LRRC74A: variants seen among roughly 807,000 people sequenced by gnomAD.
The protein encoded by LRRC74A is leucine-rich repeat-containing protein 74A.
LRRC74A carries 44 observed loss-of-function variants against 57.9 expected under a neutral mutation model. The ratio of observed to expected loss-of-function variants is 0.76; its 90% CI spans 0.60 to 0.98. The LOEUF is 0.98. Among genes scored for constraint, LRRC74A ranks in the 50% least tolerant of loss-of-function variants. The pLI is 0.00. For synonymous variants in LRRC74A, 211 were observed against 219.4 expected, an observed-to-expected ratio of 0.96 and a Z score of 0.34; for missense variants, 572 against 574.0, an observed-to-expected ratio of 1.00 and a Z score of 0.04.
chr14:76,837,658 G>T (rs933853586), intron 4 of LRRC74A, among the ~76,000 whole-genome samples: 1 of 152,050 alleles, frequency 6.6e-6, no homozygotes, highest in Non-Finnish European at 1.5e-5. Context: ...GCTAGCCCAC[G>T]GGTCCCACCG....
intron 5 of LRRC74A, among the ~76,000 whole-genome samples, chr14:76,840,584 C>CTTTTTT (rs34388699): frequency 1.5e-5 from 2 of 130,070 alleles, no homozygotes; most frequent in Non-Finnish European, 3.2e-5. Flanking sequence ...TTATGTATTT[C>CTTTTTT]TTTTTTTTTT....
chr14:76,864,917 C>G (rs1898658114), intron 11 of LRRC74A, among the ~76,000 whole-genome samples: 1 of 151,988 alleles, frequency 6.6e-6, no homozygotes, highest in Non-Finnish European at 1.5e-5. Flanking sequence ...CATATGTGAA[C>G]AGTGGGTTCT....
intron 4 of LRRC74A, among the ~76,000 whole-genome samples, chr14:76,837,382 C>T (rs999588713): frequency 6.6e-6 from 1 of 152,102 alleles, no homozygotes; most frequent in Non-Finnish European, 1.5e-5. Context: ...AAAGGGGGAA[C>T]AACCAATTAA....
intron 9 of LRRC74A, among the ~76,000 whole-genome samples, chr14:76,854,741 T>C (rs1364999980): frequency 1.3e-5 from 2 of 152,228 alleles, no homozygotes; most frequent in Non-Finnish European, 2.9e-5. Flanking sequence ...AATACATATT[T>C]CATTTTAAAT....
chr14:76,852,292 G>A, intron 7 of LRRC74A, 73 bp from the exon 8 acceptor site: 1 of 1,180,966 alleles, frequency 8.5e-7, no homozygotes, highest in Non-Finnish European at 1.2e-6. Context: ...CCAGTGTCAT[G>A]GACATCTGTT....
chr14:76,828,259 C>T (rs371545140), intron 1 of LRRC74A, 32 bp from the exon 2 acceptor site: 44 of 1,559,582 alleles, frequency 2.8e-5, no homozygotes, highest in Non-Finnish European at 3.7e-5. Context: ...AGTTTTATTC[C>T]TGGCATCAAG....
chr14:76,864,832 C>T (rs921430860), intron 11 of LRRC74A, among the ~76,000 whole-genome samples: 4 of 151,600 alleles, frequency 2.6e-5, no homozygotes, highest in Non-Finnish European at 4.4e-5. Flanking sequence ...CTAGCCTAGG[C>T]GACAGAGCGA....
At position 76,836,234 on chromosome 14, in the gene LRRC74A, C is replaced by G; in HGVS notation, c.367C>G (p.Leu123Val). Residue 123 changes from leucine (L) to valine (V), a missense_variant, in exon 4 of 14, where the codon CTG becomes GTG. Transcript: ENST00000689127. ...CAACATGGCTGTTACCAAACTGGAGCTGGAAGACAATTGCATCATGGAGGA... is the reference window on the plus strand; with the variant it reads ...CAACATGGCTGTTACCAAACTGGAGGTGGAAGACAATTGCATCATGGAGGA... ...VSNMAVTKLE[L>V]EDNCIMEEGV... The G allele has an allele frequency of 1.9e-6, 3 of 1,613,836 alleles. No individual in the cohort carries two copies. Among genetic ancestry groups the G allele is most frequent in the Non-Finnish European group, 2.5e-6 (3 of 1,179,804 alleles).
rs754921728 is a variant in LRRC74A, at chr14:76,852,467, G to A, written c.762+17G>A. On this transcript the variant is annotated intron_variant, in intron 8 of 13. Coordinates refer to ENST00000689127, the MANE Select transcript of LRRC74A (RefSeq NM_001385106.1). ...GGTCTCCGGGTAAGGCACTCTCCAG[G>A]AGTGATGTGTGGAGCCCAGTTGAGG... is the stretch of plus-strand genomic sequence containing the variant. 4 of 1,570,708 alleles carry A rather than the reference G, an allele frequency of 2.5e-6. No individual in the cohort carries two copies. The Admixed American group carries it at 7.0e-5, about 27-fold the overall frequency.
intron 3 of LRRC74A, among the ~76,000 whole-genome samples, chr14:76,834,759 T>A (rs1034752927): frequency 6.6e-6 from 1 of 152,160 alleles, no homozygotes. Flanking sequence ...CCAGTATGAA[T>A]CTGGCAGTGG....
At chr14:76,853,077 T>C (rs1469469280) in intron 8 of LRRC74A, 139 bp from the exon 9 acceptor site, 2 of 731,836 alleles carry the variant, frequency 2.7e-6, no homozygotes, top group Non-Finnish European at 4.6e-6. Flanking sequence ...GAGCTCTGAA[T>C]GATCTGGCAG....
chr14:76,860,648 T>C (rs1277432054), intron 10 of LRRC74A, 45 bp from the exon 11 acceptor site: 7 of 1,540,266 alleles, frequency 4.5e-6, no homozygotes, highest in South Asian at 1.2e-5. Flanking sequence ...GCAGGCACGA[T>C]GGCAGTGCCC....
intron 5 of LRRC74A, 118 bp from the exon 6 acceptor site, chr14:76,844,305 T>C: frequency 1.0e-6 from 1 of 953,698 alleles, no homozygotes; most frequent in Non-Finnish European, 1.6e-6. Context: ...GTCTGGCCCC[T>C]ACCACCTTTT....
rs745686456 is a variant in LRRC74A, at chr14:76,860,832, T to G, written c.1193T>G (p.Leu398Arg). The part of the protein sequence containing the change: ...TIFLLTNPMK[L>R]IQSYADQHKI... ...TTCTTGTTGACAAACCCCATGAAACTGATCCAGGTGAGCTCCTGCCTTCCT... is the reference window on the plus strand; with the variant it reads ...TTCTTGTTGACAAACCCCATGAAACGGATCCAGGTGAGCTCCTGCCTTCCT... Residue 398 changes from leucine (L) to arginine (R), a missense_variant, in exon 11 of 14, where the codon CTG becomes CGG. Leu to Arg is a moderately radical substitution (Grantham distance 102). Coordinates refer to ENST00000689127, the MANE Select transcript of LRRC74A (RefSeq NM_001385106.1). 11 of 1,601,612 alleles carry G rather than the reference T, an allele frequency of 6.9e-6. No homozygotes were observed. Among genetic ancestry groups the G allele is most frequent in the Non-Finnish European group, 9.4e-6 (11 of 1,172,110 alleles).
chr14:76,830,972 C>A (rs1895930600), intron 2 of LRRC74A, among the ~76,000 whole-genome samples: 1 of 152,218 alleles, frequency 6.6e-6, no homozygotes, highest in African/African-American at 2.4e-5. Flanking sequence ...AAACCATGGG[C>A]CTCATCTCCT....
intron 9 of LRRC74A, among the ~76,000 whole-genome samples, chr14:76,854,564 C>A (rs530151520): frequency 9.9e-5 from 15 of 152,078 alleles, no homozygotes; most frequent in Non-Finnish European, 1.6e-4. Context: ...CGAGACCATG[C>A]CACTGCACTC....
rs1474870734 is a variant in LRRC74A, at chr14:76,826,743, G to T, written c.37+9G>T. 6.7e-7 allele frequency: 1 copy of T among 1,494,634 alleles called. No homozygotes were observed. Among genetic ancestry groups the T allele is most frequent in the Admixed American group, 2.0e-5 (1 of 49,848 alleles). 92.6% of individuals were successfully genotyped at this position (1,494,634 alleles called of 1,614,324 possible). A position where few individuals can be genotyped will look rare whatever the true frequency, so the allele number is the denominator to read the frequency against. On this transcript the variant is annotated intron_variant, in intron 1 of 13. Transcript: ENST00000689127. ...TCAGCCTGAGACAGAAGGTGAAAGG[G>T]CATCCCATCTCTCACCACTCAGGCC...
At chr14:76,833,592 C>T (rs1896119378) in intron 3 of LRRC74A, among the ~76,000 whole-genome samples, 2 of 151,868 alleles carry the variant, frequency 1.3e-5, no homozygotes, top group South Asian at 2.1e-4. Flanking sequence ...CAGGTGCGCA[C>T]CACCATGCCT....
Position 76,853,367 on chromosome 14 carries a change from T to C in LRRC74A, c.914T>C (p.Ile305Thr). The change falls in exon 9 of 14, where the codon ATC becomes ACC. Residue 305 changes from isoleucine to threonine, a missense_variant. Coordinates refer to ENST00000689127, the MANE Select transcript of LRRC74A (RefSeq NM_001385106.1). ...NDIGNEGASK[I>T]SKGLESNESL... ...ATCGGCAATGAAGGGGCCTCCAAAA[T>C]CAGCAAAGGACTGGAATCCAATGAA... 1 of 1,611,746 alleles carries C rather than the reference T, an allele frequency of 6.2e-7. No homozygotes were observed. Among genetic ancestry groups the C allele is most frequent in the Non-Finnish European group, 8.5e-7 (1 of 1,179,508 alleles).
Sources: allele counts gnomAD v4.1 joint callset (sites outside exome capture counted in the v4.1 genomes callset), GRCh38; gene constraint gnomAD v4.1.1; transcripts MANE v1.5; gene names NCBI Gene and HGNC (gene_info 2026-07-23, HGNC 2026-07-21).